The following SHISA9 variants were observed in gnomAD, a reference collection of about 807,000 sequenced individuals.
SHISA9 encodes the protein protein shisa-9.
SHISA9 carries 13 observed loss-of-function variants against 38.0 expected under a neutral mutation model. The observed-to-expected ratio is 0.34, with a 90% confidence interval of 0.22 to 0.54. The LOEUF (loss-of-function observed/expected upper bound fraction) is 0.54, where lower values mean the gene tolerates loss of function less well. Among genes scored for constraint, SHISA9 ranks in the 20% least tolerant of loss-of-function variants. The probability of loss-of-function intolerance (pLI) is 0.91; values close to 1 mark genes in which losing one functional copy is unlikely to be tolerated. For missense variants in SHISA9, 538 were observed against 575.8 expected (o/e 0.93, Z 0.67); for synonymous variants, 275 against 242.0 (o/e 1.14, Z -1.27).
chr16:13,355,449 C>G, the SHISA9 span, among the ~76,000 whole-genome samples: 1 of 151,746 alleles, frequency 6.6e-6, no homozygotes, highest in South Asian at 2.1e-4. Context: ...GCAAAGGAGG[C>G]TTTGGATTGG....
chr16:12,930,627 A>G (rs1265440166), intron 2 of SHISA9, among the ~76,000 whole-genome samples: 1 of 152,158 alleles, frequency 6.6e-6, no homozygotes, highest in East Asian at 1.9e-4. Context: ...GGTGTGTTTA[A>G]TATTTATGAC....
Position 12,902,011 on chromosome 16 carries a change from G to T in SHISA9, c.-54G>T. On this transcript the variant is annotated 5_prime_UTR_variant, in exon 1 of 5. Coordinates refer to ENST00000558583, the MANE Select transcript of SHISA9 (RefSeq NM_001145204.3). ...CAGCTTCGGCCGCGCCTCGAGAGGCGGCCGCAGAGGCTCCAGCGGCGGCCG... is the reference window on the plus strand; with the variant it reads ...CAGCTTCGGCCGCGCCTCGAGAGGCTGCCGCAGAGGCTCCAGCGGCGGCCG... 14 of 1,350,178 alleles carry T rather than the reference G, an allele frequency of 1.0e-5. No individual in the cohort carries two copies. Among genetic ancestry groups the T allele is most frequent in the Non-Finnish European group, 1.3e-5 (14 of 1,054,778 alleles). 83.6% of individuals were successfully genotyped at this position (1,350,178 alleles called of 1,614,324 possible). A position where few individuals can be genotyped will look rare whatever the true frequency, so the allele number is the denominator to read the frequency against.
chr16:13,444,448 CAAG>C, the SHISA9 span, among the ~76,000 whole-genome samples: 219 of 148,282 alleles, frequency 1.5e-3, 1 homozygote, highest in African/African-American at 5.3e-3. Flanking sequence ...AGGGAGGAAA[CAAG>C]GAAGGAAGGA....
chr16:13,370,517 C>T, the SHISA9 span, among the ~76,000 whole-genome samples: 2 of 152,138 alleles, frequency 1.3e-5, no homozygotes, highest in Non-Finnish European at 2.9e-5. Context: ...TACTGTTAAC[C>T]TGCACCGACT....
intron 2 of SHISA9, among the ~76,000 whole-genome samples, chr16:13,007,357 C>G (rs1439208255): frequency 6.6e-6 from 1 of 152,164 alleles, no homozygotes; most frequent in Admixed American, 6.5e-5. Context: ...CTCCCACCCC[C>G]AATAGGCCTC....
At chr16:13,109,017 C>G (rs983132411) in intron 2 of SHISA9, among the ~76,000 whole-genome samples, 1 of 152,188 alleles carries the variant, frequency 6.6e-6, no homozygotes, top group African/African-American at 2.4e-5. Flanking sequence ...TGACCTGGCT[C>G]TCTCTAGACT....
intron 2 of SHISA9, among the ~76,000 whole-genome samples, chr16:13,175,238 A>T (rs868792032): frequency 1.4e-4 from 21 of 152,054 alleles, no homozygotes; most frequent in Middle Eastern, 3.4e-3. Flanking sequence ...GAAAAGAAAA[A>T]ATTAGCTGGG....
intron 2 of SHISA9, among the ~76,000 whole-genome samples, chr16:13,088,375 A>T (rs988459001): frequency 2.0e-5 from 3 of 152,034 alleles, no homozygotes; most frequent in Non-Finnish European, 2.9e-5. Context: ...CTTGATGGGG[A>T]CGGCATTTAA....
intron 2 of SHISA9, among the ~76,000 whole-genome samples, chr16:13,197,960 A>G (rs1232707963): frequency 6.6e-6 from 1 of 152,116 alleles, no homozygotes. Context: ...CAAGGCGGGC[A>G]GATCACCTGA....
intron 1 of SHISA9, among the ~76,000 whole-genome samples, chr16:12,903,719 T>C (rs2141702702): frequency 6.6e-6 from 1 of 152,034 alleles, no homozygotes; most frequent in Admixed American, 6.5e-5. Context: ...ACTGTCCCCT[T>C]TCAGAGTCTG....
chr16:13,203,026 T>C (rs1047375835), intron 2 of SHISA9, among the ~76,000 whole-genome samples: 1 of 152,246 alleles, frequency 6.6e-6, no homozygotes, highest in Non-Finnish European at 1.5e-5. Flanking sequence ...GGCAAAGGAA[T>C]GGCTTCTCAT....
intron 2 of SHISA9, among the ~76,000 whole-genome samples, chr16:13,076,279 A>C (rs1380894861): frequency 1.3e-5 from 2 of 152,126 alleles, no homozygotes; most frequent in East Asian, 1.9e-4. Context: ...GATCTGCCCA[A>C]CTCAGCCTCC....
intron 2 of SHISA9, among the ~76,000 whole-genome samples, chr16:13,127,450 G>A (rs1194233164): frequency 1.3e-5 from 2 of 150,590 alleles, no homozygotes; most frequent in African/African-American, 2.4e-5. Flanking sequence ...GAGAGAGATC[G>A]AGGGAGGGAG....
chr16:13,298,424 A>G, the SHISA9 span, among the ~76,000 whole-genome samples: 5 of 152,342 alleles, frequency 3.3e-5, no homozygotes, highest in Admixed American at 6.5e-5. Context: ...TAATTAAGAG[A>G]TTATCACCCA....
At chr16:13,545,689 T>G in the SHISA9 span, among the ~76,000 whole-genome samples, 5 of 152,166 alleles carry the variant, frequency 3.3e-5, no homozygotes, top group Admixed American at 1.3e-4. Flanking sequence ...AGATGAATCT[T>G]CTCTCACGCC....
chr16:13,513,892 T>C, the SHISA9 span, among the ~76,000 whole-genome samples: 1 of 152,120 alleles, frequency 6.6e-6, no homozygotes, highest in African/African-American at 2.4e-5. Context: ...GGCTTAAAAC[T>C]TAGAAGGTGG....
At chr16:13,519,962 T>G in the SHISA9 span, among the ~76,000 whole-genome samples, 2 of 152,200 alleles carry the variant, frequency 1.3e-5, no homozygotes, top group Non-Finnish European at 2.9e-5. Flanking sequence ...CACCCCTTCA[T>G]GAAAATGTAC....
At chr16:13,458,403 G>A in the SHISA9 span, 2 of 373,924 alleles carry the variant, frequency 5.3e-6, no homozygotes, top group East Asian at 8.5e-5. Flanking sequence ...ATGCTGTAAC[G>A]ATGGGAGCAG....
the SHISA9 span, among the ~76,000 whole-genome samples, chr16:13,543,083 C>G: frequency 6.6e-6 from 1 of 152,184 alleles, no homozygotes; most frequent in African/African-American, 2.4e-5. Flanking sequence ...TTTTGAGCAC[C>G]TACATTCTGC....
Sources: allele counts gnomAD v4.1 joint callset (sites outside exome capture counted in the v4.1 genomes callset), GRCh38; gene constraint gnomAD v4.1.1; transcripts MANE v1.5; gene names NCBI Gene and HGNC (gene_info 2026-07-23, HGNC 2026-07-21).